Variants in STK32B observed in about 807,000 individuals in gnomAD.
STK32B encodes serine/threonine-protein kinase 32B.
A neutral mutation model predicts 52.6 loss-of-function variants in STK32B; 43 were observed. That is an observed-to-expected ratio of 0.82 (90% CI 0.64 to 1.05). STK32B has a LOEUF of 1.05. Among genes scored for constraint, STK32B ranks in the 50% least tolerant of loss-of-function variants. The pLI is 0.00. For synonymous variants in STK32B, 238 were observed against 204.3 expected (o/e 1.17, Z -1.41); for missense variants, 621 against 534.6 (o/e 1.16, Z -1.59).
intron 1 of STK32B, among the ~76,000 whole-genome samples, chr4:5,056,289 G>T (rs1171781600): frequency 6.6e-6 from 1 of 152,148 alleles, no homozygotes; most frequent in Non-Finnish European, 1.5e-5. Context: ...GTGCCAAAAA[G>T]GTTGGGGACC....
intron 1 of STK32B, among the ~76,000 whole-genome samples, chr4:5,122,300 A>T (rs986092175): frequency 2.7e-5 from 4 of 149,392 alleles, no homozygotes; most frequent in African/African-American, 1.0e-4. Flanking sequence ...TCACCCATTC[A>T]TGCATTACCT....
chr4:5,242,347 A>T (rs1055887325), intron 3 of STK32B, among the ~76,000 whole-genome samples: 13 of 152,134 alleles, frequency 8.5e-5, no homozygotes, highest in Admixed American at 2.6e-4. Context: ...GCAGTTTTTC[A>T]TGTGTTTTTT....
At chr4:5,092,721 G>A (rs925579481) in intron 1 of STK32B, among the ~76,000 whole-genome samples, 2 of 151,970 alleles carry the variant, frequency 1.3e-5, no homozygotes, top group African/African-American at 2.4e-5. Flanking sequence ...TAAATGACCC[G>A]ATCTCGTGAG....
Position 5,336,430 on chromosome 4 carries a change from G to A in STK32B, c.434+5037G>A, listed in dbSNP as rs116379383. 3.5e-3 allele frequency among the ~76,000 whole-genome samples: 525 copies of A among 152,062 alleles called. 2 individuals are homozygous for A. Among genetic ancestry groups the A allele is most frequent in the African/African-American group, 0.012 (495 of 41,470 alleles). On this transcript the variant is annotated intron_variant, in intron 4 of 11. Coordinates refer to ENST00000282908, the MANE Select transcript of STK32B (RefSeq NM_018401.3). ...TCTTCTAACTTGAACATCAGGATCC[G>A]AGCAACGAAATAGAAAAAAATAATA...
At chr4:5,215,705 A>G (rs1294306355) in intron 3 of STK32B, among the ~76,000 whole-genome samples, 2 of 152,048 alleles carry the variant, frequency 1.3e-5, no homozygotes, top group Non-Finnish European at 1.5e-5. Flanking sequence ...AACCAAAGCC[A>G]CTCTGTGCTT....
chr4:5,063,774 T>C (rs1160920988), intron 1 of STK32B, among the ~76,000 whole-genome samples: 2 of 152,242 alleles, frequency 1.3e-5, no homozygotes, highest in African/African-American at 4.8e-5. Flanking sequence ...AAAAGTCACA[T>C]GTGGCTATTA....
At chr4:5,311,055 T>G (rs67073352) in intron 3 of STK32B, among the ~76,000 whole-genome samples, 19,487 of 151,942 alleles carry the variant, frequency 0.13, 2,709 homozygotes, top group African/African-American at 0.36. Flanking sequence ...GCAGGGAAAA[T>G]TAGCATGGAG....
intron 10 of STK32B, 114 bp downstream of exon 10, chr4:5,466,948 C>G: frequency 2.2e-6 from 3 of 1,364,428 alleles, no homozygotes; most frequent in Non-Finnish European, 2.9e-6. Context: ...CTTCCAATTT[C>G]CTTATTTTGC....
At chr4:5,413,257 C>G (rs912682746) in intron 5 of STK32B, among the ~76,000 whole-genome samples, 1 of 152,186 alleles carries the variant, frequency 6.6e-6, no homozygotes, top group Admixed American at 6.5e-5. Flanking sequence ...CAGTAAGGGT[C>G]TGCATCAGTT....
At chr4:5,142,739 T>C (rs900195270) in intron 2 of STK32B, among the ~76,000 whole-genome samples, 5 of 152,250 alleles carry the variant, frequency 3.3e-5, no homozygotes, top group Non-Finnish European at 5.9e-5. Context: ...TAATTTTATG[T>C]ATCAACTGGG....
chr4:5,289,345 G>A (rs1403035208), intron 3 of STK32B, among the ~76,000 whole-genome samples: 2 of 152,218 alleles, frequency 1.3e-5, no homozygotes, highest in Non-Finnish European at 2.9e-5. Flanking sequence ...GAGTCAGTGA[G>A]TGAGTGGTGA....
chr4:5,446,345 C>T (rs1241819052), intron 6 of STK32B, among the ~76,000 whole-genome samples: 2 of 152,130 alleles, frequency 1.3e-5, no homozygotes, highest in Non-Finnish European at 1.5e-5. Context: ...GCGGGCAGAT[C>T]ACCTGAGGCC....
intron 3 of STK32B, among the ~76,000 whole-genome samples, chr4:5,306,657 G>A (rs184640835): frequency 1.7e-3 from 262 of 152,222 alleles, no homozygotes; most frequent in African/African-American, 5.2e-3. Context: ...GCATGGAGAC[G>A]TGAGGTACTG....
chr4:5,215,415 T>A (rs1274814650), intron 3 of STK32B, among the ~76,000 whole-genome samples: 1 of 152,188 alleles, frequency 6.6e-6, no homozygotes. Context: ...CAAATGAACC[T>A]ATTCAGTCAG....
chr4:5,019,418 G>A, the STK32B span: 1 of 1,484,004 alleles, frequency 6.7e-7, no homozygotes, highest in South Asian at 1.3e-5. Flanking sequence ...AGCAGCAGCA[G>A]CACGGGCAGA....
intron 3 of STK32B, among the ~76,000 whole-genome samples, chr4:5,205,520 G>T (rs1722497241): frequency 6.6e-6 from 1 of 152,166 alleles, no homozygotes; most frequent in Admixed American, 6.5e-5. Context: ...CTGTGGGTGT[G>T]TGGAGCCTGA....
chr4:5,329,829 C>T (rs1418509720), intron 3 of STK32B, among the ~76,000 whole-genome samples: 1 of 152,184 alleles, frequency 6.6e-6, no homozygotes, highest in Non-Finnish European at 1.5e-5. Context: ...TTGTGTCCAG[C>T]CATCTCCTCT....
chr4:5,219,887 T>C (rs1365489213), intron 3 of STK32B, among the ~76,000 whole-genome samples: 2 of 152,112 alleles, frequency 1.3e-5, no homozygotes, highest in Non-Finnish European at 2.9e-5. Flanking sequence ...GCAGGACTGG[T>C]AGGGAGCGGA....
chr4:5,276,768 A>T (rs961594875), intron 3 of STK32B, among the ~76,000 whole-genome samples: 1 of 152,014 alleles, frequency 6.6e-6, no homozygotes, highest in Non-Finnish European at 1.5e-5. Context: ...CAGAAACATG[A>T]TGTGCTTGCC....
Sources: gnomAD v4.1 joint callset for allele counts (sites outside exome capture counted in the v4.1 genomes callset) on GRCh38, gnomAD v4.1.1 for gene constraint, MANE v1.5 for transcripts, NCBI Gene and HGNC (gene_info 2026-07-23, HGNC 2026-07-21) for gene names.